Variants in SLC24A3 observed in about 807,000 individuals in gnomAD.
SLC24A3 encodes the protein sodium/potassium/calcium exchanger 3.
In SLC24A3, 28 loss-of-function variants were observed where a neutral mutation model predicts 75.8. The ratio of observed to expected loss-of-function variants is 0.37; its 90% CI spans 0.27 to 0.51. The LOEUF (loss-of-function observed/expected upper bound fraction) is 0.51, where lower values mean the gene tolerates loss of function less well. Ranked by LOEUF, SLC24A3 falls within the 20% of genes least tolerant of loss-of-function variation. SLC24A3 has a pLI of 0.94. For synonymous variants in SLC24A3, 372 were observed against 334.1 expected (o/e 1.11, Z -1.24); for missense variants, 663 against 847.8 (o/e 0.78, Z 2.71).
chr20:19,597,969 A>T (rs1450088757), intron 6 of SLC24A3, among the ~76,000 whole-genome samples: 3 of 152,094 alleles, frequency 2.0e-5, no homozygotes, highest in Non-Finnish European at 4.4e-5. Flanking sequence ...CCACTCATCC[A>T]TTCGTGGAGA....
chr20:19,264,158 CAA>C (rs11477124), intron 1 of SLC24A3: 9,134 of 105,720 alleles, frequency 0.086, 302 homozygotes, highest in Middle Eastern at 0.12. Context: ...AAGACCCTGT[CAA>C]AAAAAAAAAA....
intron 6 of SLC24A3, among the ~76,000 whole-genome samples, chr20:19,604,111 T>C (rs1471725658): frequency 6.6e-6 from 1 of 152,190 alleles, no homozygotes; most frequent in African/African-American, 2.4e-5. Flanking sequence ...GAAAGGCCCA[T>C]GCTCTCAAGG....
chr20:19,471,723 A>T (rs868082080), intron 2 of SLC24A3, among the ~76,000 whole-genome samples: 2 of 152,130 alleles, frequency 1.3e-5, no homozygotes, highest in South Asian at 4.2e-4. Context: ...TGTGTAGTAG[A>T]TAGAGGTGGC....
At chr20:19,512,551 T>G (rs895134771) in intron 2 of SLC24A3, among the ~76,000 whole-genome samples, 3 of 152,220 alleles carry the variant, frequency 2.0e-5, no homozygotes, top group Non-Finnish European at 4.4e-5. Context: ...ATTCAGCCAG[T>G]TGCTGTTCAT....
intron 2 of SLC24A3, among the ~76,000 whole-genome samples, chr20:19,395,422 A>G (rs535616357): frequency 7.9e-5 from 12 of 152,370 alleles, no homozygotes; most frequent in Admixed American, 5.2e-4. Context: ...ATTTTGGTAT[A>G]TAACTCTGTC....
chr20:19,631,628 G>T (rs577480617), intron 6 of SLC24A3, among the ~76,000 whole-genome samples: 1 of 152,112 alleles, frequency 6.6e-6, no homozygotes, highest in Non-Finnish European at 1.5e-5. Flanking sequence ...CCAGCATCAC[G>T]AGGGCATTGT....
chr20:19,252,976 C>T (rs746640645), intron 1 of SLC24A3, among the ~76,000 whole-genome samples: 12 of 152,284 alleles, frequency 7.9e-5, no homozygotes, highest in African/African-American at 2.6e-4. Context: ...ATGGGTGCTT[C>T]GCCTGTTGGA....
chr20:19,532,413 A>G (rs964813656), intron 3 of SLC24A3, among the ~76,000 whole-genome samples: 2 of 152,174 alleles, frequency 1.3e-5, no homozygotes, highest in South Asian at 2.1e-4. Context: ...CTGGTGCCCA[A>G]GTCCACTGTG....
chr20:19,350,014 G>A (rs896106794), intron 2 of SLC24A3, among the ~76,000 whole-genome samples: 2 of 152,172 alleles, frequency 1.3e-5, no homozygotes, highest in Non-Finnish European at 2.9e-5. Context: ...AGGGTGAGAC[G>A]CAAACCTCGA....
intron 2 of SLC24A3, among the ~76,000 whole-genome samples, chr20:19,306,639 G>A (rs894218592): frequency 6.6e-6 from 1 of 152,066 alleles, no homozygotes; most frequent in African/African-American, 2.4e-5. Flanking sequence ...TTGTAAGTGG[G>A]AGCTAAACAT....
intron 6 of SLC24A3, among the ~76,000 whole-genome samples, chr20:19,629,884 A>G (rs1277583769): frequency 1.3e-5 from 2 of 152,236 alleles, no homozygotes; most frequent in South Asian, 2.1e-4. Context: ...GGCCTGCCCT[A>G]CAAGAAATAC....
chr20:19,706,570 C>T (rs1377248124), intron 15 of SLC24A3, among the ~76,000 whole-genome samples: 2 of 151,920 alleles, frequency 1.3e-5, no homozygotes, highest in Admixed American at 6.6e-5. Context: ...ACTGAAGCAC[C>T]CAAGGGCTGC....
chr20:19,234,848 G>T (rs998196738), intron 1 of SLC24A3, among the ~76,000 whole-genome samples: 3 of 152,170 alleles, frequency 2.0e-5, no homozygotes, highest in Admixed American at 2.0e-4. Flanking sequence ...TTGATTTCCA[G>T]CCCTGTGGTC....
intron 2 of SLC24A3, among the ~76,000 whole-genome samples, chr20:19,352,233 C>T (rs1176050295): frequency 6.6e-6 from 1 of 152,128 alleles, no homozygotes; most frequent in Non-Finnish European, 1.5e-5. Context: ...TCATTGAAAG[C>T]CCCCAGGGCA....
chr20:19,527,124 G>A (rs2030213072), intron 3 of SLC24A3, among the ~76,000 whole-genome samples: 1 of 152,084 alleles, frequency 6.6e-6, no homozygotes, highest in Middle Eastern at 3.4e-3. Context: ...CCAGCTAGAA[G>A]TCATTTGCCT....
At chr20:19,594,227 G>A (rs142788857) in intron 6 of SLC24A3, among the ~76,000 whole-genome samples, 1 of 150,456 alleles carries the variant, frequency 6.6e-6, no homozygotes, top group African/African-American at 2.4e-5. Flanking sequence ...GTCCACTGAA[G>A]ACTCCCTGGT....
intron 2 of SLC24A3, among the ~76,000 whole-genome samples, chr20:19,390,009 G>A (rs1986339049): frequency 6.6e-6 from 1 of 151,996 alleles, no homozygotes; most frequent in Admixed American, 6.6e-5. Flanking sequence ...TGAGTTTGTT[G>A]TGAAAAAACT....
Position 19,450,317 on chromosome 20 carries a change from C to T in SLC24A3, c.272-65171C>T, listed in dbSNP as rs1363241625. Among the ~76,000 whole-genome samples the T allele has an allele frequency of 9.8e-5, 15 of 152,316 alleles. No homozygotes were observed. In the East Asian group the frequency reaches 2.5e-3, roughly 25 times the overall value. On this transcript the variant is annotated intron_variant, in intron 2 of 16. Coordinates refer to ENST00000328041, the MANE Select transcript of SLC24A3 (RefSeq NM_020689.4). ...GCTCTCATGTAGGATGGGGTTGCATCCCTGGCACTTGTTACACTTTCTTTC... is the reference window on the plus strand; with the variant it reads ...GCTCTCATGTAGGATGGGGTTGCATTCCTGGCACTTGTTACACTTTCTTTC...
chr20:19,417,181 T>G (rs1986841088), intron 2 of SLC24A3, among the ~76,000 whole-genome samples: 1 of 152,168 alleles, frequency 6.6e-6, no homozygotes, highest in South Asian at 2.1e-4. Flanking sequence ...GTGAACAACC[T>G]TTAGCATTAA....
Sources: gnomAD v4.1 joint callset for allele counts (sites outside exome capture counted in the v4.1 genomes callset) on GRCh38, gnomAD v4.1.1 for gene constraint, MANE v1.5 for transcripts, NCBI Gene and HGNC (gene_info 2026-07-23, HGNC 2026-07-21) for gene names.